ALK: variants seen among roughly 807,000 people sequenced by gnomAD.
ALK encodes the protein ALK receptor tyrosine kinase.
A neutral mutation model predicts 163.1 loss-of-function variants in ALK; 74 were observed. That is an observed-to-expected ratio of 0.45 (90% confidence interval 0.38 to 0.55). The LOEUF (loss-of-function observed/expected upper bound fraction) is 0.55, where lower values mean the gene tolerates loss of function less well. Among genes scored for constraint, ALK ranks in the 20% least tolerant of loss-of-function variants. The probability of loss-of-function intolerance (pLI) is 0.00; values close to 1 mark genes in which losing one functional copy is unlikely to be tolerated. For synonymous variants in ALK, 960 were observed against 843.2 expected, an observed-to-expected ratio of 1.14 and a Z score of -2.40; for missense variants, 2,063 against 2,105.3, an observed-to-expected ratio of 0.98 and a Z score of 0.39.
At chr2:29,325,527 G>A (rs546348688) in intron 6 of ALK, among the ~76,000 whole-genome samples, 3 of 152,282 alleles carry the variant, frequency 2.0e-5, no homozygotes, top group East Asian at 1.9e-4. Context: ...CGGTAGCAGG[G>A]CCCTGGACCT....
chr2:29,471,929 G>A (rs1671355498), intron 4 of ALK, among the ~76,000 whole-genome samples: 1 of 152,166 alleles, frequency 6.6e-6, no homozygotes, highest in South Asian at 2.1e-4. Context: ...TTTTAGTAGA[G>A]ATGGGGTTTT....
At chr2:29,219,934 T>G (rs1406540935) in intron 23 of ALK, among the ~76,000 whole-genome samples, 1 of 152,166 alleles carries the variant, frequency 6.6e-6, no homozygotes, top group Non-Finnish European at 1.5e-5. Context: ...TTATCCCTAC[T>G]TGAGACGTGA....
chr2:29,830,554 C>A lies in ALK; in HGVS notation c.667+89439G>T, dbSNP rs577272548. On this transcript the variant is annotated intron_variant, in intron 1 of 28. Transcript: ENST00000389048. ...AGTGATCCAGTGCCAATAGCACCAG[C>A]ATCACATGGAAACTTGTTAGAAATG... is the stretch of plus-strand genomic sequence containing the variant. Among the ~76,000 whole-genome samples the A allele has an allele frequency of 8.6e-5, 13 of 151,912 alleles. No homozygotes were observed. The South Asian group carries it at 2.5e-3, about 29-fold the overall frequency.
intron 3 of ALK, among the ~76,000 whole-genome samples, chr2:29,550,349 G>A (rs962352004): frequency 6.6e-6 from 1 of 152,196 alleles, no homozygotes; most frequent in Admixed American, 6.5e-5. Flanking sequence ...CCATGAAGAT[G>A]ACTAGACAGC....
At chr2:29,464,300 T>C (rs910277444) in intron 4 of ALK, among the ~76,000 whole-genome samples, 1 of 152,200 alleles carries the variant, frequency 6.6e-6, no homozygotes, top group African/African-American at 2.4e-5. Flanking sequence ...ACCTTATAAA[T>C]ATACTTACTA....
At chr2:29,824,191 G>A (rs1284630955) in intron 1 of ALK, among the ~76,000 whole-genome samples, 2 of 152,206 alleles carry the variant, frequency 1.3e-5, no homozygotes, top group Non-Finnish European at 2.9e-5. Context: ...ATTGAAGTTT[G>A]GGAACCTCTG....
At chr2:29,550,532 A>C (rs901737419) in intron 3 of ALK, among the ~76,000 whole-genome samples, 53 of 152,184 alleles carry the variant, frequency 3.5e-4, no homozygotes, top group Admixed American at 2.2e-3. Flanking sequence ...CAATCTCTAC[A>C]GTTTTTGAAT....
chr2:29,207,406 C>T (rs572301576), intron 25 of ALK, 134 bp from the exon 26 acceptor site: 26 of 738,192 alleles, frequency 3.5e-5, no homozygotes, highest in African/African-American at 1.9e-4. Flanking sequence ...GAGTCCTTGG[C>T]GGTTCAGGAG....
chr2:29,556,627 G>C (rs1673868570), intron 3 of ALK, among the ~76,000 whole-genome samples: 1 of 152,194 alleles, frequency 6.6e-6, no homozygotes, highest in Admixed American at 6.5e-5. Flanking sequence ...AAATACAGAA[G>C]CTATTATCAA....
intron 1 of ALK, among the ~76,000 whole-genome samples, chr2:29,779,498 G>A (rs575326493): frequency 3.9e-5 from 6 of 152,310 alleles, no homozygotes; most frequent in South Asian, 4.1e-4. Flanking sequence ...TCCTGAGTCC[G>A]AATTCAAGCC....
chr2:29,617,493 G>T (rs1396044803), intron 3 of ALK, among the ~76,000 whole-genome samples: 3 of 152,148 alleles, frequency 2.0e-5, no homozygotes, highest in Non-Finnish European at 4.4e-5. Context: ...TGTGATAACT[G>T]CATTTCAGAG....
chr2:29,328,621 ACATCTG>A, intron 5 of ALK, 140 bp from the exon 6 acceptor site: 5 of 1,185,516 alleles, frequency 4.2e-6, no homozygotes, highest in Non-Finnish European at 6.2e-6. Flanking sequence ...CCTGATTGAG[ACATCTG>A]CATCTCCATC....
intron 4 of ALK, among the ~76,000 whole-genome samples, chr2:29,391,596 C>T (rs763715198): frequency 5.3e-5 from 8 of 152,152 alleles, no homozygotes; most frequent in African/African-American, 1.7e-4. Context: ...CATGAGCCAC[C>T]GCACCGGCCT....
At chr2:29,499,810 C>T (rs1404238691) in intron 4 of ALK, among the ~76,000 whole-genome samples, 1 of 152,058 alleles carries the variant, frequency 6.6e-6, no homozygotes, top group Non-Finnish European at 1.5e-5. Context: ...AGGTGTCTTC[C>T]TAGCCATAGA....
intron 5 of ALK, among the ~76,000 whole-genome samples, chr2:29,351,292 G>A (rs1448543763): frequency 2.0e-5 from 3 of 152,202 alleles, no homozygotes; most frequent in Non-Finnish European, 4.4e-5. Flanking sequence ...AGCTTAGAGA[G>A]AGGACTGGCT....
chr2:29,306,209 G>A (rs1666505849), intron 8 of ALK, among the ~76,000 whole-genome samples: 1 of 152,198 alleles, frequency 6.6e-6, no homozygotes, highest in Non-Finnish European at 1.5e-5. Context: ...ACTGTATACT[G>A]ACAACATCCC....
In ALK at chr2:29,457,245, T is replaced by A. The variant is rs2148098610; in HGVS notation, c.1155-73386A>T. Among the ~76,000 whole-genome samples, 2 of 152,222 alleles carry A rather than the reference T, an allele frequency of 1.3e-5. 1 individual carries two copies. Among genetic ancestry groups the A allele is most frequent in the South Asian group, 4.2e-4 (2 of 4,800 alleles). ...CTCGATTGAAATGTAGGAGCTGGAA[T>A]CTTACCCACCTGGCTGAATGGTGTT... is the stretch of plus-strand genomic sequence containing the variant. On this transcript the variant is annotated intron_variant, in intron 4 of 28. Transcript: ENST00000389048.
intron 9 of ALK, chr2:29,286,376 T>C (rs1193812077): frequency 2.6e-5 from 4 of 152,234 alleles, no homozygotes; most frequent in Non-Finnish European, 4.4e-5. Flanking sequence ...CAGATCCAGA[T>C]ACCTGGATCT....
At chr2:29,800,485 C>T (rs1664439100) in intron 1 of ALK, among the ~76,000 whole-genome samples, 1 of 152,178 alleles carries the variant, frequency 6.6e-6, no homozygotes, top group African/African-American at 2.4e-5. Flanking sequence ...GAGGATAATT[C>T]CTTATGGACC....
Sources: gnomAD v4.1 joint callset for allele counts (sites outside exome capture counted in the v4.1 genomes callset) on GRCh38, gnomAD v4.1.1 for gene constraint, MANE v1.5 for transcripts, NCBI Gene and HGNC (gene_info 2026-07-23, HGNC 2026-07-21) for gene names.